PCDH11X: variants seen among roughly 807,000 people sequenced by gnomAD.
The protein encoded by PCDH11X is protocadherin-11 X-linked.
Under a neutral mutation model 53.3 loss-of-function variants are expected in PCDH11X, and 18 were observed. The observed-to-expected ratio is 0.34, with a 90% CI of 0.23 to 0.50. The LOEUF (loss-of-function observed/expected upper bound fraction) is 0.50. PCDH11X is among the 20% of genes least tolerant of loss of function. PCDH11X has a pLI of 0.98. For synonymous variants in PCDH11X, 279 were observed against 393.3 expected, an observed-to-expected ratio of 0.71 and a Z score of 3.44; for missense variants, 570 against 1,032.4, an observed-to-expected ratio of 0.55 and a Z score of 6.14.
chrX:91,817,813 G>T (rs1352044777), intron 4 of PCDH11X, among the ~76,000 whole-genome samples: 1 of 111,183 alleles, frequency 9.0e-6, no homozygotes, highest in Non-Finnish European at 1.9e-5. Flanking sequence ...TTCTAATTTT[G>T]TTCTTGTGCT....
At chrX:92,455,250 A>G (rs372405372) in intron 9 of PCDH11X, among the ~76,000 whole-genome samples, 2 of 104,407 alleles carry the variant, frequency 1.9e-5, no homozygotes, top group East Asian at 6.1e-4. Flanking sequence ...TATCTCATTT[A>G]AATTATTTTA....
chrX:92,265,234 C>CGATA (rs2067803196), intron 8 of PCDH11X, among the ~76,000 whole-genome samples: 1 of 109,721 alleles, frequency 9.1e-6, no homozygotes. Context: ...CGCACCCGGC[C>CGATA]GATAAGCAGA....
intron 10 of PCDH11X, among the ~76,000 whole-genome samples, chrX:92,501,299 C>T (rs1383658817): frequency 9.0e-6 from 1 of 110,884 alleles, no homozygotes; most frequent in African/African-American, 3.3e-5. Flanking sequence ...ACCAGAAGTA[C>T]AAAGAAGAGC....
chrX:92,473,857 T>C (rs1457386381), intron 10 of PCDH11X, among the ~76,000 whole-genome samples: 1 of 111,842 alleles, frequency 8.9e-6, no homozygotes, highest in African/African-American at 3.2e-5. Flanking sequence ...AATTGTTTTT[T>C]GAACTAACAT....
At chrX:91,803,254 C>T (rs776922878) in intron 1 of PCDH11X, among the ~76,000 whole-genome samples, 2 of 110,998 alleles carry the variant, frequency 1.8e-5, no homozygotes, top group African/African-American at 3.3e-5. Flanking sequence ...TAGAAACATA[C>T]GGAATGAAGC....
At chrX:92,212,425 A>G in intron 7 of PCDH11X, among the ~76,000 whole-genome samples, 1 of 111,602 alleles carries the variant, frequency 9.0e-6, no homozygotes, top group Non-Finnish European at 1.9e-5. Flanking sequence ...ATCTCGGTTC[A>G]CTGCAACCTC....
intron 10 of PCDH11X, among the ~76,000 whole-genome samples, chrX:92,562,136 T>A (rs1329262822): frequency 1.3e-3 from 72 of 53,558 alleles, no homozygotes; most frequent in African/African-American, 4.6e-3. Context: ...ATACCTCACA[T>A]GGCAAAAGCA....
At chrX:92,397,673 C>T (rs1226169773) in intron 9 of PCDH11X, among the ~76,000 whole-genome samples, 15 of 110,013 alleles carry the variant, frequency 1.4e-4, no homozygotes, top group African/African-American at 4.6e-4. Context: ...GGATCTTTGC[C>T]TCATTCAGAC....
chrX:92,537,869 T>G (rs2074693664), intron 10 of PCDH11X, among the ~76,000 whole-genome samples: 1 of 110,166 alleles, frequency 9.1e-6, no homozygotes, highest in African/African-American at 3.3e-5. Flanking sequence ...TTTACTAAAT[T>G]TGTTCATCAG....
chrX:91,889,740 A>G (rs1469227471), intron 6 of PCDH11X, among the ~76,000 whole-genome samples: 1 of 109,853 alleles, frequency 9.1e-6, no homozygotes, highest in Non-Finnish European at 1.9e-5. Flanking sequence ...TTTTTACTAC[A>G]TATAGGGATA....
At chrX:91,798,752 A>T (rs6615300) in intron 1 of PCDH11X, among the ~76,000 whole-genome samples, 35,631 of 109,825 alleles carry the variant, frequency 0.32, 4,863 homozygotes, top group African/African-American at 0.52. Flanking sequence ...ATTCAGTATC[A>T]CTTTGTTACT....
At chrX:92,142,368 GCGCACA>G (rs1485317641) in intron 6 of PCDH11X, among the ~76,000 whole-genome samples, 5 of 75,862 alleles carry the variant, frequency 6.6e-5, no homozygotes, top group African/African-American at 2.2e-4. Flanking sequence ...ATGTGCGCGC[GCGCACA>G]CACACACACA....
At chrX:91,833,407 G>A (rs1411327182) in intron 4 of PCDH11X, among the ~76,000 whole-genome samples, 2 of 109,308 alleles carry the variant, frequency 1.8e-5, no homozygotes, top group Non-Finnish European at 3.8e-5. Flanking sequence ...AATTTTGAGC[G>A]AGTTTTTATA....
chrX:92,387,921 G>A lies in PCDH11X; in HGVS notation c.3331G>A (p.Asp1111Asn), dbSNP rs376393109. 186 of 1,207,667 alleles carry A rather than the reference G, an allele frequency of 1.5e-4. No individual in the cohort carries two copies. Among genetic ancestry groups the A allele is most frequent in the Non-Finnish European group, 1.9e-4 (170 of 894,256 alleles). Reference protein sequence around the residue: ...SNRTEGDGNSDPESTFIPGLK... With the variant: ...SNRTEGDGNSNPESTFIPGLK... ...TCGCACTGAAGGGGATGGCAACTCC[G>A]ATCCTGAATCTAGTAAGTGATACCT... Residue 1111 changes from aspartate (D) to asparagine (N), a missense_variant, in exon 9 of 11, where the codon GAT becomes AAT. Coordinates refer to ENST00000682573, the MANE Select transcript of PCDH11X (RefSeq NM_032968.5).
At position 92,378,414 on chromosome X, in the gene PCDH11X, T is replaced by C. The variant is rs1337246321; in HGVS notation, c.3145-9321T>C. Among the ~76,000 whole-genome samples, 5 of 109,603 alleles carry C rather than the reference T, an allele frequency of 4.6e-5. No homozygotes were observed. In the Admixed American group the frequency reaches 4.9e-4, roughly 11 times the overall value. On this transcript the variant is annotated intron_variant, in intron 8 of 10. Transcript: ENST00000682573. The stretch of plus-strand genomic sequence containing the variant: ...TCATTAGAATTTCATTACTCTAATA[T>C]GATCATATTAAAATGCCAAAAAAAG...
intron 6 of PCDH11X, among the ~76,000 whole-genome samples, chrX:92,094,432 A>G (rs1177010054): frequency 1.8e-5 from 2 of 110,764 alleles, no homozygotes; most frequent in Non-Finnish European, 3.8e-5. Flanking sequence ...AAGTATTCTT[A>G]TGCCCTATGA....
At chrX:91,905,945 CTT>C (rs1941140107) in intron 6 of PCDH11X, among the ~76,000 whole-genome samples, 3 of 111,645 alleles carry the variant, frequency 2.7e-5, no homozygotes, top group Non-Finnish European at 5.6e-5. Context: ...TGTTCTTAGA[CTT>C]CATGCATATA....
chrX:92,552,994 C>CGTGTGTGTGTGT (rs57655496), intron 10 of PCDH11X, among the ~76,000 whole-genome samples: 1,850 of 88,864 alleles, frequency 0.021, 62 homozygotes, highest in East Asian at 0.14. Flanking sequence ...CTGCAATTTT[C>CGTGTGTGTGTGT]GTGTGTGTGT....
intron 6 of PCDH11X, among the ~76,000 whole-genome samples, chrX:92,141,894 G>C (rs908406237): frequency 9.0e-6 from 1 of 111,082 alleles, no homozygotes; most frequent in Non-Finnish European, 1.9e-5. Context: ...AATCATTTGT[G>C]AGTTTTAAGA....
Sources: allele counts gnomAD v4.1 joint callset (sites outside exome capture counted in the v4.1 genomes callset), GRCh38; gene constraint gnomAD v4.1.1; transcripts MANE v1.5; gene names NCBI Gene and HGNC (gene_info 2026-07-23, HGNC 2026-07-21).